SLC6A16: variants seen among roughly 807,000 people sequenced by gnomAD.
SLC6A16 encodes the protein orphan sodium- and chloride-dependent neurotransmitter transporter NTT5.
A neutral mutation model predicts 65.4 loss-of-function variants in SLC6A16; 54 were observed. The ratio of observed to expected loss-of-function variants is 0.83; its 90% CI spans 0.66 to 1.04. The LOEUF is 1.04. SLC6A16 is among the 50% of genes least tolerant of loss of function. The probability of loss-of-function intolerance (pLI) is 0.00; values close to 1 mark genes in which losing one functional copy is unlikely to be tolerated. For synonymous variants in SLC6A16, 330 were observed against 346.5 expected, an observed-to-expected ratio of 0.95 and a Z score of 0.53; for missense variants, 816 against 914.0, an observed-to-expected ratio of 0.89 and a Z score of 1.38.
At chr19:49,319,436 TATAA>T (rs1351494006) in intron 1 of SLC6A16, among the ~76,000 whole-genome samples, 2 of 118,876 alleles carry the variant, frequency 1.7e-5, no homozygotes, top group Non-Finnish European at 3.9e-5. Context: ...TGTATATACA[TATAA>T]ATACATATAC....
rs756590219 is a variant in SLC6A16 at position 49,293,368 on chromosome 19, GC to G, written c.1632del (p.Leu544PhefsTer22). On this transcript the variant is annotated frameshift_variant, in exon 10 of 12. Transcript: ENST00000335875. LOFTEE classifies it high-confidence loss of function. ...AAGAAGAGGCCGCACACGAACATGA[GC>G]AAAAAGACTCCCACTGGAGAAAACA... Reference protein sequence around the residue: ...HTKLLIVGVFLLMFVCGLFFT... With the variant: ...HTKLLIVGVFXLMFVCGLFFT... 6.2e-7 allele frequency: 1 copy of G among 1,614,104 alleles called. No homozygotes were observed.
intron 1 of SLC6A16, among the ~76,000 whole-genome samples, chr19:49,319,158 A>G (rs977237941): frequency 5.4e-5 from 8 of 149,398 alleles, no homozygotes; most frequent in Admixed American, 1.3e-4. Context: ...AAGCACAAAG[A>G]AAAAAAAAAG....
intron 4 of SLC6A16, 101 bp downstream of exon 4, chr19:49,309,939 C>G (rs900698723): frequency 2.0e-6 from 3 of 1,465,510 alleles, no homozygotes; most frequent in Non-Finnish European, 1.9e-6. Context: ...TTTCCTTCTT[C>G]TTCCTCTTCC....
chr19:49,314,287 C>T (rs558950573), intron 1 of SLC6A16, among the ~76,000 whole-genome samples: 203 of 152,138 alleles, frequency 1.3e-3, no homozygotes, highest in African/African-American at 4.6e-3. Context: ...AAACAAGAAT[C>T]CATGAATCCA....
intron 1 of SLC6A16, among the ~76,000 whole-genome samples, chr19:49,319,478 T>C (rs1364678199): frequency 1.3e-5 from 2 of 150,804 alleles, no homozygotes; most frequent in East Asian, 3.9e-4. Context: ...TGTGTATATG[T>C]ATATACATAT....
At chr19:49,338,242 A>T in the SLC6A16 span, 1 of 1,351,660 alleles carries the variant, frequency 7.4e-7, no homozygotes, top group Non-Finnish European at 9.6e-7. This position sits in a 1 kb window ranked among gnomAD's most constrained non-coding sequence, Gnocchi z 5.0. Context: ...TGGCTTCGCC[A>T]TCTACCTCGA....
the SLC6A16 span, chr19:49,337,679 AAC>A: frequency 8.5e-6 from 13 of 1,526,082 alleles, no homozygotes; most frequent in Admixed American, 3.9e-5. Context: ...TCCAAAGGGA[AAC>A]ACACGGGAAA....
At chr19:49,338,011 G>A in the SLC6A16 span, 1 of 1,613,966 alleles carries the variant, frequency 6.2e-7, no homozygotes, top group South Asian at 1.1e-5. The surrounding 1 kb of genome is among the most constrained non-coding windows in gnomAD (Gnocchi z 5.0). Context: ...AGGAGAGCTG[G>A]GACTATGTGC....
rs529212180 is a variant in SLC6A16, at chr19:49,320,383, G to A, written c.-65+4665C>T. ...AGATCACACCACTGCACTCCAGCCT[G>A]GGCAACAGAGCAAGACTCCCTCTAA... is the stretch of plus-strand genomic sequence containing the variant. On this transcript the variant is annotated intron_variant, in intron 1 of 11. Transcript: ENST00000335875. Among the ~76,000 whole-genome samples, 10 of 151,194 alleles carry A rather than the reference G, an allele frequency of 6.6e-5. No homozygotes were observed. In the South Asian group the frequency reaches 1.9e-3, roughly 29 times the overall value.
At chr19:49,309,555 C>T in intron 5 of SLC6A16, 96 bp downstream of exon 5, 4 of 1,338,126 alleles carry the variant, frequency 3.0e-6, no homozygotes, top group Middle Eastern at 1.8e-4. Flanking sequence ...GGAGTAAAAG[C>T]CAAAGGAGTA....
chr19:49,293,523 G>A, intron 9 of SLC6A16, 141 bp from the exon 10 acceptor site: 3 of 784,326 alleles, frequency 3.8e-6, no homozygotes, highest in Non-Finnish European at 4.0e-6. Context: ...CAAGCATTTT[G>A]GGGAGCCTAA....
chr19:49,299,245 CAAAAA>C (rs768577715), intron 7 of SLC6A16, among the ~76,000 whole-genome samples: 1 of 84,542 alleles, frequency 1.2e-5, no homozygotes, highest in Admixed American at 1.4e-4. Flanking sequence ...GACTCCGTCT[CAAAAA>C]AAAAAAAAAA....
intron 7 of SLC6A16, among the ~76,000 whole-genome samples, chr19:49,299,895 C>A (rs1316909499): frequency 4.1e-5 from 3 of 73,624 alleles, no homozygotes; most frequent in East Asian, 1.4e-3. Context: ...TGGTGGTGGG[C>A]ACCTGTAATC....
chr19:49,337,147 T>C, the SLC6A16 span: 1 of 1,614,148 alleles, frequency 6.2e-7, no homozygotes, highest in Non-Finnish European at 8.5e-7. Context: ...TGCTCCCCAG[T>C]ATTTTGGGAT....
At chr19:49,305,159 G>C (rs543535956) in intron 7 of SLC6A16, among the ~76,000 whole-genome samples, 3 of 152,314 alleles carry the variant, frequency 2.0e-5, no homozygotes, top group East Asian at 3.9e-4. Context: ...ACTTTGCTGA[G>C]TCTGCCTTTG....
At chr19:49,290,839 C>G (rs1970065016) in intron 10 of SLC6A16, 72 bp from the exon 11 acceptor site, 4 of 1,293,382 alleles carry the variant, frequency 3.1e-6, no homozygotes, top group Non-Finnish European at 1.1e-6. Context: ...CCAGCCCAAC[C>G]TTGGCATCTT....
At position 49,325,170 on chromosome 19, in the gene SLC6A16, T is replaced by A; in HGVS notation, c.-187A>T. On this transcript the variant is annotated 5_prime_UTR_variant, in exon 1 of 12. Coordinates refer to ENST00000335875, the MANE Select transcript of SLC6A16 (RefSeq NM_014037.3). ...GCCCCTTCAGGCGTCGACAGATCGG[T>A]TTGGGCGACACCCCTCGATCTGCCT... 1 of 985,434 alleles carries A rather than the reference T, an allele frequency of 1.0e-6. No individual in the cohort carries two copies. Among genetic ancestry groups the A allele is most frequent in the Non-Finnish European group, 1.2e-6 (1 of 829,936 alleles). The allele number at this position is 985,434 out of a possible 1,614,324, so 61.0% of individuals were successfully genotyped here.
intron 1 of SLC6A16, among the ~76,000 whole-genome samples, chr19:49,313,774 G>A (rs1970567976): frequency 6.6e-6 from 1 of 151,840 alleles, no homozygotes; most frequent in African/African-American, 2.4e-5. Context: ...CAGCCTAGGT[G>A]ACAGAGTAAG....
intron 1 of SLC6A16, among the ~76,000 whole-genome samples, chr19:49,318,493 A>G (rs764540012): frequency 6.6e-6 from 1 of 152,224 alleles, no homozygotes; most frequent in Non-Finnish European, 1.5e-5. Context: ...CAAAAAATTC[A>G]TAATGTCAAC....
Sources: gnomAD v4.1 joint callset for allele counts (sites outside exome capture counted in the v4.1 genomes callset) on GRCh38, gnomAD v4.1.1 for gene constraint, Gnocchi (gnomAD v3.1) non-coding constraint, MANE v1.5 for transcripts, NCBI Gene and HGNC (gene_info 2026-07-23, HGNC 2026-07-21) for gene names.